The following PTPRK variants were observed in gnomAD, a reference collection of about 807,000 sequenced individuals.
The protein encoded by PTPRK is receptor-type tyrosine-protein phosphatase kappa.
In PTPRK, 75 loss-of-function variants were observed where a neutral mutation model predicts 178.0. The ratio of observed to expected loss-of-function variants is 0.42; its 90% confidence interval spans 0.35 to 0.51. The LOEUF (loss-of-function observed/expected upper bound fraction) is 0.51. Among genes scored for constraint, PTPRK ranks in the 20% least tolerant of loss-of-function variants. The pLI is 0.02. For synonymous variants in PTPRK, 637 were observed against 620.6 expected, an observed-to-expected ratio of 1.03 and a Z score of -0.39; for missense variants, 1,441 against 1,797.8, an observed-to-expected ratio of 0.80 and a Z score of 3.59.
chr6:127,973,583 A>G, intron 28 of PTPRK, 81 bp downstream of exon 28: 1 of 1,528,170 alleles, frequency 6.5e-7, no homozygotes, highest in South Asian at 1.2e-5. Context: ...CATAAGATGC[A>G]AGCCAGATAG....
At chr6:128,444,155 T>C (rs915977365) in intron 1 of PTPRK, among the ~76,000 whole-genome samples, 2 of 152,192 alleles carry the variant, frequency 1.3e-5, no homozygotes, top group African/African-American at 4.8e-5. Flanking sequence ...CCAGCCTTCC[T>C]AGACCAGAAT....
At chr6:128,099,185 T>C (rs936132389) in intron 7 of PTPRK, among the ~76,000 whole-genome samples, 4 of 149,302 alleles carry the variant, frequency 2.7e-5, no homozygotes, top group Admixed American at 2.0e-4. Context: ...CATTTATATA[T>C]ATATATATAT....
chr6:128,056,645 C>T (rs774624737), intron 13 of PTPRK, among the ~76,000 whole-genome samples: 7 of 152,058 alleles, frequency 4.6e-5, no homozygotes, highest in South Asian at 4.2e-4. Flanking sequence ...AGGCTGGTCT[C>T]GAAGTCCTGA....
chr6:128,465,560 T>C (rs1407493518), intron 1 of PTPRK, among the ~76,000 whole-genome samples: 3 of 152,178 alleles, frequency 2.0e-5, no homozygotes, highest in African/African-American at 7.2e-5. Context: ...AAGCACTAGT[T>C]CACTATTAAC....
At chr6:127,988,460 T>C (rs1025838975) in intron 21 of PTPRK, among the ~76,000 whole-genome samples, 4 of 151,992 alleles carry the variant, frequency 2.6e-5, no homozygotes, top group South Asian at 4.1e-4. Context: ...AAAACATAGA[T>C]ATTAGCTATT....
intron 8 of PTPRK, among the ~76,000 whole-genome samples, chr6:128,087,573 G>A (rs1786115513): frequency 6.6e-6 from 1 of 152,006 alleles, no homozygotes; most frequent in Non-Finnish European, 1.5e-5. Context: ...TGTGGCAGGG[G>A]TAAGATATAA....
At chr6:128,395,325 G>A (rs140799788) in intron 2 of PTPRK, among the ~76,000 whole-genome samples, 5 of 152,240 alleles carry the variant, frequency 3.3e-5, no homozygotes, top group African/African-American at 1.2e-4. Context: ...ATTACTTAAT[G>A]TCCTATTAAT....
chr6:128,438,294 T>C (rs941237277), intron 1 of PTPRK, among the ~76,000 whole-genome samples: 1 of 152,256 alleles, frequency 6.6e-6, no homozygotes, highest in Admixed American at 6.5e-5. Context: ...TTTGAATGGA[T>C]GCCAACCCTT....
chr6:128,360,999 C>T (rs1335273054), intron 2 of PTPRK, among the ~76,000 whole-genome samples: 1 of 152,060 alleles, frequency 6.6e-6, no homozygotes, highest in Non-Finnish European at 1.5e-5. Context: ...CTTTCTTACA[C>T]TTAAGAATTC....
At chr6:128,369,409 A>G (rs1835963278) in intron 2 of PTPRK, among the ~76,000 whole-genome samples, 1 of 152,194 alleles carries the variant, frequency 6.6e-6, no homozygotes, top group Non-Finnish European at 1.5e-5. Context: ...TAGATATTTT[A>G]TAAGACATTC....
At chr6:128,278,127 AT>A (rs1491244311) in intron 3 of PTPRK, among the ~76,000 whole-genome samples, 1 of 76,278 alleles carries the variant, frequency 1.3e-5, no homozygotes, top group Non-Finnish European at 2.5e-5. Flanking sequence ...TGTGTTTTTT[AT>A]TTATTTATTT....
At chr6:128,022,995 T>C (rs1773759688) in intron 13 of PTPRK, among the ~76,000 whole-genome samples, 1 of 152,178 alleles carries the variant, frequency 6.6e-6, no homozygotes, top group East Asian at 1.9e-4. Context: ...ATTAAAAACT[T>C]ACATTACAAA....
rs189713396 is a variant in PTPRK at position 128,340,522 on chromosome 6, T to C, written c.224-18212A>G. On this transcript the variant is annotated intron_variant, in intron 2 of 29. Coordinates refer to ENST00000368226, the MANE Select transcript of PTPRK (RefSeq NM_002844.4). Reference sequence around the variant, plus strand: ...TAAGGGTAAACTCCTAATTCAATGTTTCTCAAACATGAGTAAAATCCCAAG... The same window carrying C: ...TAAGGGTAAACTCCTAATTCAATGTCTCTCAAACATGAGTAAAATCCCAAG... Among the ~76,000 whole-genome samples the C allele has an allele frequency of 1.1e-3, 164 of 152,316 alleles. 1 individual carries two copies. The highest frequency in any genetic ancestry group is 3.6e-3 in the African/African-American group (149 of 41,566).
intron 7 of PTPRK, among the ~76,000 whole-genome samples, chr6:128,178,608 T>C (rs1381548876): frequency 1.3e-5 from 2 of 151,920 alleles, no homozygotes; most frequent in Non-Finnish European, 2.9e-5. Context: ...CAGGAATTTA[T>C]GGATTTCCTG....
intron 6 of PTPRK, among the ~76,000 whole-genome samples, chr6:128,213,163 C>G (rs1022885566): frequency 6.6e-6 from 1 of 151,756 alleles, no homozygotes; most frequent in Non-Finnish European, 1.5e-5. Flanking sequence ...CTGGTTGCAC[C>G]AAAATATACT....
At chr6:128,178,570 C>T (rs1230372224) in intron 7 of PTPRK, among the ~76,000 whole-genome samples, 1 of 151,792 alleles carries the variant, frequency 6.6e-6, no homozygotes, top group Non-Finnish European at 1.5e-5. Context: ...AAGTAACCTT[C>T]CTGATTATTA....
At chr6:128,465,216 A>G (rs1309333698) in intron 1 of PTPRK, among the ~76,000 whole-genome samples, 1 of 152,196 alleles carries the variant, frequency 6.6e-6, no homozygotes, top group Non-Finnish European at 1.5e-5. Flanking sequence ...ACACTAAATC[A>G]TGAAATAAAA....
chr6:128,200,965 G>T (rs1805837993), intron 6 of PTPRK, among the ~76,000 whole-genome samples: 1 of 149,964 alleles, frequency 6.7e-6, no homozygotes, highest in Admixed American at 6.6e-5. Context: ...ATTTTCATTG[G>T]ACTTAATCAA....
chr6:128,336,122 A>G (rs1830886885), intron 2 of PTPRK, among the ~76,000 whole-genome samples: 1 of 152,186 alleles, frequency 6.6e-6, no homozygotes, highest in African/African-American at 2.4e-5. Context: ...ATATTCCTTC[A>G]ACAAAACATT....
Sources: gnomAD v4.1 joint callset for allele counts (sites outside exome capture counted in the v4.1 genomes callset) on GRCh38, gnomAD v4.1.1 for gene constraint, MANE v1.5 for transcripts, NCBI Gene and HGNC (gene_info 2026-07-23, HGNC 2026-07-21) for gene names.